The following PSD3 variants were observed in gnomAD, a reference collection of about 807,000 sequenced individuals.
PSD3 encodes the protein PH and SEC7 domain-containing protein 3.
Under a neutral mutation model 105.5 loss-of-function variants are expected in PSD3, and 49 were observed. That is an observed-to-expected ratio of 0.46 (90% CI 0.37 to 0.59). PSD3 has a LOEUF of 0.59. PSD3 is among the 20% of genes least tolerant of loss of function. The pLI is 0.00. For synonymous variants in PSD3, 557 were observed against 457.8 expected (o/e 1.22, Z -2.77); for missense variants, 1,561 against 1,263.8 (o/e 1.24, Z -3.57).
At chr8:18,752,530 T>TATATATTA in intron 9 of PSD3, among the ~76,000 whole-genome samples, 1 of 48,244 alleles carries the variant, frequency 2.1e-5, no homozygotes, top group African/African-American at 1.6e-4. Context: ...ATATATATAA[T>TATATATTA]TATATATTAT....
rs978692536 is a variant in PSD3, at chr8:19,066,930, A to T, written c.324+17276T>A. On this transcript the variant is annotated intron_variant, in intron 1 of 1. Coordinates refer to the PSD3 transcript ENST00000521475. ...CTTGACATTCTTGGGGACACTCATC[A>T]TTTTTTTATTATTTATTCAATGACT... Among the ~76,000 whole-genome samples the T allele has an allele frequency of 2.2e-4, 33 of 152,224 alleles. 1 individual carries two copies. Among genetic ancestry groups the T allele is most frequent in the African/African-American group, 5.8e-4 (24 of 41,554 alleles).
intron 1 of PSD3, among the ~76,000 whole-genome samples, chr8:19,060,065 T>G (rs186090789): frequency 1.3e-5 from 2 of 152,332 alleles, no homozygotes; most frequent in East Asian, 3.9e-4. Context: ...ACAGCTTTTA[T>G]GTCGTATTAT....
intron 12 of PSD3, among the ~76,000 whole-genome samples, chr8:18,583,070 C>G (rs1299105679): frequency 1.3e-5 from 2 of 152,108 alleles, no homozygotes; most frequent in Non-Finnish European, 2.9e-5. Flanking sequence ...TCATGATCCA[C>G]CCGCCTCAGC....
At chr8:18,576,843 C>T (rs574225016) in intron 12 of PSD3, among the ~76,000 whole-genome samples, 1 of 151,222 alleles carries the variant, frequency 6.6e-6, no homozygotes, top group Non-Finnish European at 1.5e-5. Context: ...CCTAACACAC[C>T]TAATGATTGA....
intron 1 of PSD3, among the ~76,000 whole-genome samples, chr8:19,039,382 A>G (rs1035841511): frequency 3.3e-5 from 5 of 152,156 alleles, no homozygotes; most frequent in Non-Finnish European, 7.4e-5. Flanking sequence ...TGACATCTCA[A>G]GCTCAGCATG....
intron 4 of PSD3, among the ~76,000 whole-genome samples, chr8:18,823,828 T>C (rs1465149876): frequency 1.3e-5 from 2 of 150,778 alleles, no homozygotes; most frequent in Non-Finnish European, 3.0e-5. Context: ...CATTCCATGT[T>C]CACAAGTGTT....
At chr8:19,053,561 G>A (rs1335896946) in intron 1 of PSD3, among the ~76,000 whole-genome samples, 2 of 152,092 alleles carry the variant, frequency 1.3e-5, no homozygotes, top group African/African-American at 4.8e-5. Flanking sequence ...CACTTTTGGA[G>A]GCCAAGGCAG....
intron 11 of PSD3, among the ~76,000 whole-genome samples, chr8:18,619,570 G>C (rs567362516): frequency 3.2e-4 from 48 of 151,964 alleles, no homozygotes; most frequent in African/African-American, 1.2e-3. Flanking sequence ...TTGAACCCGG[G>C]AGGCAGAGGT....
chr8:18,528,243 C>G lies in PSD3; in HGVS notation c.*7500G>C, dbSNP rs1200925226. ...ATCTGGACTGAACAAAGCTGCTAAG[C>G]TAGCACTTGAGTATTCCTCGACCCT... On this transcript the variant is annotated 3_prime_UTR_variant, in exon 16 of 16. Transcript: ENST00000327040. 1 of 152,212 alleles carries G rather than the reference C, an allele frequency of 6.6e-6. No homozygotes were observed. Among genetic ancestry groups the G allele is most frequent in the Non-Finnish European group, 1.5e-5 (1 of 68,052 alleles). 9.4% of individuals were successfully genotyped at this position (152,212 alleles called of 1,614,324 possible).
intron 1 of PSD3, among the ~76,000 whole-genome samples, chr8:18,981,409 C>A (rs543747252): frequency 4.6e-5 from 7 of 152,306 alleles, no homozygotes; most frequent in African/African-American, 1.7e-4. Flanking sequence ...CAGATTCTAT[C>A]ACTTACTAGT....
chr8:18,956,422 A>G (rs1182161494), intron 1 of PSD3, among the ~76,000 whole-genome samples: 11 of 152,118 alleles, frequency 7.2e-5, no homozygotes, highest in Admixed American at 7.2e-4. Flanking sequence ...ACTTCACTGC[A>G]AATCATAAGA....
intron 10 of PSD3, among the ~76,000 whole-genome samples, chr8:18,653,220 T>C (rs970309217): frequency 4.6e-5 from 7 of 152,204 alleles, no homozygotes; most frequent in East Asian, 1.9e-4. Context: ...GAAAAAATAC[T>C]TGTGATCATT....
chr8:18,781,535 G>A (rs542062708), intron 8 of PSD3, among the ~76,000 whole-genome samples: 21 of 152,246 alleles, frequency 1.4e-4, no homozygotes, highest in Non-Finnish European at 2.1e-4. Context: ...CTTTTCCACC[G>A]TGGAACATGG....
At chr8:18,612,255 A>G (rs1805320211) in intron 11 of PSD3, among the ~76,000 whole-genome samples, 1 of 152,208 alleles carries the variant, frequency 6.6e-6, no homozygotes, top group African/African-American at 2.4e-5. Context: ...TTCTTGCTTG[A>G]ATAAACTCTA....
intron 2 of PSD3, among the ~76,000 whole-genome samples, chr8:18,889,202 A>G (rs1818627084): frequency 6.6e-6 from 1 of 152,224 alleles, no homozygotes; most frequent in Non-Finnish European, 1.5e-5. Flanking sequence ...TCTTAAAAAC[A>G]TGCACAAAAA....
intron 12 of PSD3, among the ~76,000 whole-genome samples, chr8:18,585,089 C>G (rs1585306647): frequency 1.3e-5 from 2 of 152,282 alleles, no homozygotes; most frequent in South Asian, 4.1e-4. Context: ...ACGAAGCCCT[C>G]TGCCTTGCCT....
chr8:19,074,611 A>ATATATATATATATATAT (rs1324257417), intron 1 of PSD3, among the ~76,000 whole-genome samples: 1 of 24,230 alleles, frequency 4.1e-5, no homozygotes, highest in African/African-American at 1.6e-4. Flanking sequence ...ATATATATAT[A>ATATATATATATATATAT]TTTTTTTTTT....
chr8:18,905,792 T>C (rs907398752), intron 2 of PSD3, among the ~76,000 whole-genome samples: 4 of 152,246 alleles, frequency 2.6e-5, no homozygotes, highest in Admixed American at 6.5e-5. Flanking sequence ...TACTGGATGA[T>C]ATTAACATAC....
At chr8:18,776,862 G>T (rs1808147314) in intron 8 of PSD3, among the ~76,000 whole-genome samples, 1 of 152,114 alleles carries the variant, frequency 6.6e-6, no homozygotes, top group African/African-American at 2.4e-5. Context: ...TAGTTTGTAT[G>T]TTTCTAAAAA....
Sources: allele counts gnomAD v4.1 joint callset (sites outside exome capture counted in the v4.1 genomes callset), GRCh38; gene constraint gnomAD v4.1.1; transcripts MANE v1.5; gene names NCBI Gene and HGNC (gene_info 2026-07-23, HGNC 2026-07-21).